Variants in CSMD1 observed in about 807,000 individuals in gnomAD.
CSMD1 encodes the protein CUB and Sushi multiple domains 1.
CSMD1 carries 213 observed loss-of-function variants against 417.5 expected under a neutral mutation model. The observed-to-expected ratio is 0.51, with a 90% CI of 0.46 to 0.57. The LOEUF (loss-of-function observed/expected upper bound fraction) is 0.57, where lower values mean the gene tolerates loss of function less well. CSMD1 is among the 20% of genes least tolerant of loss of function. The pLI is 0.00. For missense variants in CSMD1, 6,923 were observed against 4,529.7 expected (o/e 1.53, Z -15.17); for synonymous variants, 2,862 against 1,736.8 (o/e 1.65, Z -16.11).
At chr8:4,529,523 C>T (rs762842609) in intron 2 of CSMD1, among the ~76,000 whole-genome samples, 3 of 152,058 alleles carry the variant, frequency 2.0e-5, no homozygotes, top group Non-Finnish European at 4.4e-5. Context: ...TCTAAAAATG[C>T]CTCTGTCTTC....
chr8:4,972,773 C>T (rs1810321226), intron 1 of CSMD1, among the ~76,000 whole-genome samples: 1 of 147,138 alleles, frequency 6.8e-6, no homozygotes, highest in Non-Finnish European at 1.5e-5. Context: ...ATCTAAATGA[C>T]AGGCATCATG....
intron 5 of CSMD1, among the ~76,000 whole-genome samples, chr8:3,926,110 C>CACACACACACACACAAACACCAT (rs1563218393): frequency 0.026 from 2,051 of 79,040 alleles, 50 homozygotes; most frequent in Middle Eastern, 0.037. Flanking sequence ...CACACACACA[C>CACACACACACACACAAACACCAT]ACACACACAC....
At chr8:3,337,162 G>A (rs1191506578) in intron 23 of CSMD1, among the ~76,000 whole-genome samples, 8 of 152,092 alleles carry the variant, frequency 5.3e-5, no homozygotes, top group Non-Finnish European at 7.4e-5. Context: ...ACATGACTCT[G>A]CCACAAACCA....
At chr8:4,373,697 G>C (rs1802540751) in intron 3 of CSMD1, among the ~76,000 whole-genome samples, 2 of 152,140 alleles carry the variant, frequency 1.3e-5, no homozygotes, top group African/African-American at 4.8e-5. Context: ...TAATTAGAAG[G>C]AAACATTTCT....
At chr8:3,242,285 C>T (rs1337228637) in intron 26 of CSMD1, among the ~76,000 whole-genome samples, 2 of 150,538 alleles carry the variant, frequency 1.3e-5, no homozygotes, top group African/African-American at 4.9e-5. Context: ...CCTAGCTCGG[C>T]CTGGGGAGGA....
At chr8:3,097,868 G>A (rs1356700066) in intron 46 of CSMD1, among the ~76,000 whole-genome samples, 1 of 152,144 alleles carries the variant, frequency 6.6e-6, no homozygotes, top group Admixed American at 6.5e-5. Flanking sequence ...AATCCCACAT[G>A]GGACATCTCA....
chr8:3,924,815 GTTAAGATGATAATT>G (rs1249000340), intron 5 of CSMD1, among the ~76,000 whole-genome samples: 1 of 152,102 alleles, frequency 6.6e-6, no homozygotes, highest in African/African-American at 2.4e-5. Context: ...AGTCACTGAA[GTTAAGATGATAATT>G]TTAATTTTTT....
At chr8:3,837,766 C>A (rs1041279107) in intron 5 of CSMD1, among the ~76,000 whole-genome samples, 1 of 151,570 alleles carries the variant, frequency 6.6e-6, no homozygotes, top group Non-Finnish European at 1.5e-5. Context: ...TTTATCAGTT[C>A]CATCTTTGTT....
chr8:2,997,387 C>T lies in CSMD1; in HGVS notation c.8377+624G>A, dbSNP rs187947753. On this transcript the variant is annotated intron_variant, in intron 54 of 69. Coordinates refer to ENST00000635120, the MANE Select transcript of CSMD1 (RefSeq NM_033225.6). ...GCCCTAGGATAAGAGAGGTTCTTGT[C>T]AGAGAAAGAGACATTGATAAGTTCC... is the stretch of plus-strand genomic sequence containing the variant. 2.0e-4 allele frequency among the ~76,000 whole-genome samples: 30 copies of T among 152,268 alleles called. 1 individual carries two copies. The highest frequency in any genetic ancestry group is 1.5e-5 in the Non-Finnish European group (1 of 68,008).
At chr8:4,015,893 AAAACAG>A (rs1563321081) in intron 4 of CSMD1, among the ~76,000 whole-genome samples, 1 of 152,188 alleles carries the variant, frequency 6.6e-6, no homozygotes, top group Non-Finnish European at 1.5e-5. Flanking sequence ...GCTTCCAAGC[AAAACAG>A]AAACAAACAA....
chr8:4,591,962 T>C (rs181551496), intron 2 of CSMD1, among the ~76,000 whole-genome samples: 2 of 151,914 alleles, frequency 1.3e-5, no homozygotes, highest in Non-Finnish European at 2.9e-5. Flanking sequence ...AACGCCTAGA[T>C]AGATGGAGAT....
At chr8:4,494,896 T>C (rs1354956137) in intron 2 of CSMD1, among the ~76,000 whole-genome samples, 7 of 152,062 alleles carry the variant, frequency 4.6e-5, no homozygotes, top group African/African-American at 1.7e-4. Flanking sequence ...AAATTCTCAT[T>C]GTTAGGACAA....
At chr8:4,121,822 G>A (rs949576789) in intron 3 of CSMD1, among the ~76,000 whole-genome samples, 4 of 151,812 alleles carry the variant, frequency 2.6e-5, no homozygotes, top group African/African-American at 9.7e-5. Context: ...TAGTTCCAAG[G>A]CTTTGGGGGG....
At chr8:2,941,293 A>G (rs1167232206) in intron 69 of CSMD1, among the ~76,000 whole-genome samples, 1 of 152,238 alleles carries the variant, frequency 6.6e-6, no homozygotes, top group African/African-American at 2.4e-5. Flanking sequence ...AAGTGAATAT[A>G]AGAAAGCAAA....
chr8:3,440,787 T>C (rs950390490), intron 12 of CSMD1, among the ~76,000 whole-genome samples: 34 of 152,294 alleles, frequency 2.2e-4, no homozygotes, highest in African/African-American at 7.7e-4. Flanking sequence ...TTGTTTTGTT[T>C]TGTTGTTTTG....
intron 5 of CSMD1, among the ~76,000 whole-genome samples, chr8:3,854,387 A>T (rs1804144538): frequency 6.6e-6 from 1 of 152,110 alleles, no homozygotes; most frequent in African/African-American, 2.4e-5. Flanking sequence ...ATAATGAATT[A>T]AAGTATCATA....
chr8:4,491,978 T>C (rs796218226), intron 2 of CSMD1, among the ~76,000 whole-genome samples: 16 of 150,918 alleles, frequency 1.1e-4, no homozygotes, highest in African/African-American at 3.9e-4. Flanking sequence ...AGACATTCAT[T>C]AATAGATGAA....
At chr8:4,895,918 T>C (rs1412281012) in intron 1 of CSMD1, among the ~76,000 whole-genome samples, 1 of 152,090 alleles carries the variant, frequency 6.6e-6, no homozygotes, top group Admixed American at 6.5e-5. Context: ...GGTTCAGAAT[T>C]GTTACCAATT....
chr8:4,734,968 T>C (rs557580781), intron 1 of CSMD1, among the ~76,000 whole-genome samples: 1 of 152,314 alleles, frequency 6.6e-6, no homozygotes, highest in Admixed American at 6.5e-5. Context: ...TCTGGGAAAG[T>C]TTCCATATGG....
Sources: gnomAD v4.1 joint callset for allele counts (sites outside exome capture counted in the v4.1 genomes callset) on GRCh38, gnomAD v4.1.1 for gene constraint, MANE v1.5 for transcripts, NCBI Gene and HGNC (gene_info 2026-07-23, HGNC 2026-07-21) for gene names.